The following MAPK4 variants were observed in gnomAD, a reference collection of about 807,000 sequenced individuals.
MAPK4 encodes Erk3-related.
A neutral mutation model predicts 47.7 loss-of-function variants in MAPK4; 22 were observed. That is an observed-to-expected ratio of 0.46 (90% CI 0.33 to 0.66). MAPK4 has a LOEUF of 0.66. Ranked by LOEUF, MAPK4 falls within the 30% of genes least tolerant of loss-of-function variation. The pLI is 0.02. For missense variants in MAPK4, 736 were observed against 831.7 expected (o/e 0.88, Z 1.42); for synonymous variants, 390 against 365.7 (o/e 1.07, Z -0.76).
intron 1 of MAPK4, among the ~76,000 whole-genome samples, chr18:50,652,007 T>C (rs999511501): frequency 3.3e-5 from 5 of 152,188 alleles, no homozygotes; most frequent in African/African-American, 1.2e-4. Flanking sequence ...TTTGGTATAA[T>C]TGGGTTGTGG....
intron 1 of MAPK4, among the ~76,000 whole-genome samples, chr18:50,621,505 T>A (rs1009234909): frequency 2.0e-5 from 3 of 152,054 alleles, no homozygotes; most frequent in Non-Finnish European, 4.4e-5. Context: ...CTTGGTGAGA[T>A]GAAAAGTCAC....
intron 1 of MAPK4, among the ~76,000 whole-genome samples, chr18:50,639,221 T>C (rs1443214951): frequency 6.6e-6 from 1 of 152,176 alleles, no homozygotes; most frequent in Admixed American, 6.5e-5. Context: ...TAAGGGCTGG[T>C]GCCAAGCTGG....
intron 4 of MAPK4, among the ~76,000 whole-genome samples, chr18:50,724,797 G>A (rs3794902): frequency 1.3e-5 from 2 of 152,250 alleles, no homozygotes; most frequent in East Asian, 1.9e-4. Context: ...TGAGGCCCAC[G>A]AGGGAGCTCC....
chr18:50,663,860 T>C lies in MAPK4; in HGVS notation c.-99T>C, dbSNP rs1598883589. 1 of 1,059,000 alleles carries C rather than the reference T, an allele frequency of 9.4e-7. No homozygotes were observed. Among genetic ancestry groups the C allele is most frequent in the Non-Finnish European group, 1.4e-6 (1 of 724,488 alleles). 65.6% of individuals were successfully genotyped at this position (1,059,000 alleles called of 1,614,324 possible). A position where few individuals can be genotyped will look rare whatever the true frequency, so the allele number is the denominator to read the frequency against. ...AAAACACATCCCTCAGCCGTGGGACTTGACAGAATGAGGTGCGCGAGGGAG... is the reference window on the plus strand; with the variant it reads ...AAAACACATCCCTCAGCCGTGGGACCTGACAGAATGAGGTGCGCGAGGGAG... On this transcript the variant is annotated 5_prime_UTR_variant, in exon 2 of 6. Transcript: ENST00000400384.
intron 1 of MAPK4, among the ~76,000 whole-genome samples, chr18:50,583,113 G>T (rs1598795986): frequency 6.6e-6 from 1 of 152,278 alleles, no homozygotes; most frequent in East Asian, 1.9e-4. Flanking sequence ...AGGGAGAGAA[G>T]AATTTTATTG....
intron 1 of MAPK4, among the ~76,000 whole-genome samples, chr18:50,581,557 C>T (rs147928015): frequency 1.9e-3 from 288 of 152,328 alleles, no homozygotes; most frequent in African/African-American, 6.1e-3. Context: ...GAGTCCAGCC[C>T]ACATTCAGAT....
rs1366429177 is a variant in MAPK4 at position 50,726,041 on chromosome 18, C to T, written c.933C>T (p.Tyr311=). 2 of 1,614,142 alleles carry T rather than the reference C, an allele frequency of 1.2e-6. No individual in the cohort carries two copies. Among genetic ancestry groups the T allele is most frequent in the Non-Finnish European group, 1.7e-6 (2 of 1,180,026 alleles). ...CTGAGATGGGGCTGCAACACCCCTA[C>T]ATGAGCCCATACTCGTGCCCTGAGG... is the stretch of plus-strand genomic sequence containing the variant. ...LTAEMGLQHP[Y]MSPYSCPEDE... The change falls in exon 5 of 6, where the codon TAC becomes TAT. Residue 311 remains tyrosine (Y), a synonymous_variant. Coordinates refer to ENST00000400384, the MANE Select transcript of MAPK4 (RefSeq NM_002747.4).
chr18:50,584,280 G>C (rs886782444), intron 1 of MAPK4, among the ~76,000 whole-genome samples: 4 of 152,152 alleles, frequency 2.6e-5, no homozygotes, highest in African/African-American at 9.7e-5. Context: ...ACAGACCTAT[G>C]GGATGTTCTG....
chr18:50,714,718 A>ACC (rs1910548161), intron 2 of MAPK4, among the ~76,000 whole-genome samples: 1 of 152,234 alleles, frequency 6.6e-6, no homozygotes, highest in Non-Finnish European at 1.5e-5. Flanking sequence ...TGCTAGCAGT[A>ACC]ATGAACTTGA....
intron 1 of MAPK4, among the ~76,000 whole-genome samples, chr18:50,594,479 C>G (rs187552479): frequency 6.6e-6 from 1 of 152,246 alleles, no homozygotes; most frequent in East Asian, 1.9e-4. Context: ...TGATTTTTGA[C>G]AGACACAGTT....
Position 50,663,232 on chromosome 18 carries a change from C to A in MAPK4, c.-727C>A, listed in dbSNP as rs1227239768. On this transcript the variant is annotated 5_prime_UTR_variant, in exon 2 of 6. Coordinates refer to ENST00000400384, the MANE Select transcript of MAPK4 (RefSeq NM_002747.4). ...AAGGCTCCAGAGGATCCTGGCCTGGCAGCTGAGCTCCCCTGCATTTGGAAC... is the reference window on the plus strand; with the variant it reads ...AAGGCTCCAGAGGATCCTGGCCTGGAAGCTGAGCTCCCCTGCATTTGGAAC... 1 of 152,296 alleles carries A rather than the reference C, an allele frequency of 6.6e-6. No individual in the cohort carries two copies. The highest frequency in any genetic ancestry group is 1.5e-5 in the Non-Finnish European group (1 of 68,088). 9.4% of individuals were successfully genotyped at this position (152,296 alleles called of 1,614,324 possible).
intron 1 of MAPK4, among the ~76,000 whole-genome samples, chr18:50,624,278 C>G (rs572939286): frequency 6.6e-6 from 1 of 152,276 alleles, no homozygotes; most frequent in East Asian, 1.9e-4. Context: ...GCCTGTTGCA[C>G]AAATGGAAGC....
chr18:50,663,699 A>G lies in MAPK4; in HGVS notation c.-260A>G. 2.6e-6 allele frequency: 1 copy of G among 383,554 alleles called. No individual in the cohort carries two copies. Among genetic ancestry groups the G allele is most frequent in the Non-Finnish European group, 4.7e-6 (1 of 213,538 alleles). The allele number at this position is 383,554 out of a possible 1,614,324, so 23.8% of individuals were successfully genotyped here. A position where few individuals can be genotyped will look rare whatever the true frequency, so the allele number is the denominator to read the frequency against. Reference sequence around the variant, plus strand: ...TCTAAGCTTTAAGAAGGGTTCAGGAAACACAGGAATTAGTAGACAGCCCTC... The same window carrying G: ...TCTAAGCTTTAAGAAGGGTTCAGGAGACACAGGAATTAGTAGACAGCCCTC... On this transcript the variant is annotated 5_prime_UTR_variant, in exon 2 of 6. Coordinates refer to ENST00000400384, the MANE Select transcript of MAPK4 (RefSeq NM_002747.4).
intron 1 of MAPK4, among the ~76,000 whole-genome samples, chr18:50,655,128 C>T (rs972979267): frequency 1.3e-5 from 2 of 152,126 alleles, no homozygotes; most frequent in Admixed American, 6.5e-5. Flanking sequence ...TTTAGAAAAC[C>T]GTATTGAGGG....
intron 1 of MAPK4, among the ~76,000 whole-genome samples, chr18:50,580,297 G>C (rs2042332230): frequency 1.3e-5 from 2 of 152,210 alleles, no homozygotes; most frequent in Non-Finnish European, 2.9e-5. Context: ...TGGCTTTGCT[G>C]CTCAAAACCA....
upstream of MAPK4, among the ~76,000 whole-genome samples, chr18:50,559,901 G>C (rs1269664097): frequency 6.6e-6 from 1 of 151,322 alleles, no homozygotes; most frequent in Admixed American, 6.6e-5. Context: ...GCGGCTGAGC[G>C]GCCTGGAGGC....
Position 50,730,151 on chromosome 18 carries a change from C to A in MAPK4, c.*297C>A. 1 of 277,100 alleles carries A rather than the reference C, an allele frequency of 3.6e-6. No individual in the cohort carries two copies. Among genetic ancestry groups the A allele is most frequent in the Non-Finnish European group, 6.7e-6 (1 of 148,366 alleles). The allele number at this position is 277,100 out of a possible 1,614,324, so 17.2% of individuals were successfully genotyped here. A position where few individuals can be genotyped will look rare whatever the true frequency, so the allele number is the denominator to read the frequency against. ...CGGCTTTAGACAGCAGTCTGCGGGC[C>A]CCACCTGGGTGGCAGGATGCCGAGA... On this transcript the variant is annotated 3_prime_UTR_variant, in exon 6 of 6. Transcript: ENST00000400384.
At chr18:50,634,106 C>A (rs951586693) in intron 1 of MAPK4, among the ~76,000 whole-genome samples, 2 of 152,094 alleles carry the variant, frequency 1.3e-5, no homozygotes, top group Non-Finnish European at 2.9e-5. Context: ...TCAGGTGCAC[C>A]ATTTCTCTCT....
intron 1 of MAPK4, among the ~76,000 whole-genome samples, chr18:50,610,581 G>A (rs1360359228): frequency 6.6e-6 from 1 of 152,224 alleles, no homozygotes; most frequent in Non-Finnish European, 1.5e-5. Context: ...CAGCTGTCAA[G>A]GAGCACTGTG....
Sources: allele counts gnomAD v4.1 joint callset (sites outside exome capture counted in the v4.1 genomes callset), GRCh38; gene constraint gnomAD v4.1.1; transcripts MANE v1.5; gene names NCBI Gene and HGNC (gene_info 2026-07-23, HGNC 2026-07-21).